Variants in CSMD2 observed in about 807,000 individuals in gnomAD.
CSMD2 encodes the protein CUB and Sushi multiple domains 2.
A neutral mutation model predicts 398.5 loss-of-function variants in CSMD2; 130 were observed. That is an observed-to-expected ratio of 0.33 (90% CI 0.28 to 0.38). The LOEUF (loss-of-function observed/expected upper bound fraction) is 0.38. Among genes scored for constraint, CSMD2 ranks in the 10% least tolerant of loss-of-function variants. CSMD2 has a pLI of 1.00. For missense variants in CSMD2, 3,829 were observed against 4,764.9 expected, an observed-to-expected ratio of 0.80 and a Z score of 5.78; for synonymous variants, 1,828 against 1,908.5, an observed-to-expected ratio of 0.96 and a Z score of 1.10.
chr1:33,943,925 TACACACAC>T (rs57400434), intron 3 of CSMD2, among the ~76,000 whole-genome samples: 8,439 of 144,334 alleles, frequency 0.058, 242 homozygotes, highest in African/African-American at 0.069. Flanking sequence ...TAATCAGAAT[TACACACAC>T]ACACACACAC....
intron 2 of CSMD2, among the ~76,000 whole-genome samples, chr1:34,034,177 G>A (rs1232907874): frequency 6.6e-6 from 1 of 152,096 alleles, no homozygotes; most frequent in Non-Finnish European, 1.5e-5. Context: ...GACACGCAGA[G>A]GACTCTCTTT....
In CSMD2 at chr1:33,626,593, A is replaced by G; in HGVS notation, c.5201-12T>C. The G allele has an allele frequency of 6.3e-7, 1 of 1,577,570 alleles. No individual in the cohort carries two copies. The highest frequency in any genetic ancestry group is 8.6e-7 in the Non-Finnish European group (1 of 1,160,250). On this transcript the variant is annotated splice_polypyrimidine_tract_variant and intron_variant, in intron 32 of 70. Transcript: ENST00000373381. ...GGGCAGTGATTCTCCTGCCGAGATA[A>G]GGGGCAAGGAGGAGAGAACAGTGAG...
At chr1:34,004,481 G>T (rs1461354091) in intron 3 of CSMD2, among the ~76,000 whole-genome samples, 2 of 151,866 alleles carry the variant, frequency 1.3e-5, no homozygotes, top group Non-Finnish European at 2.9e-5. Context: ...GTTTGTTTTT[G>T]TTTTTTGCCA....
chr1:33,939,306 G>A (rs774710234), intron 3 of CSMD2, among the ~76,000 whole-genome samples: 1 of 152,174 alleles, frequency 6.6e-6, no homozygotes, highest in Non-Finnish European at 1.5e-5. Flanking sequence ...ATGATGCCCT[G>A]CTGCTGGCTC....
chr1:33,701,595 T>A (rs1645614074), intron 22 of CSMD2, among the ~76,000 whole-genome samples: 1 of 152,246 alleles, frequency 6.6e-6, no homozygotes, highest in African/African-American at 2.4e-5. Context: ...TCCATTGTAC[T>A]ATTTATGAAG....
intron 13 of CSMD2, among the ~76,000 whole-genome samples, chr1:33,759,320 T>TTTTC (rs55664845): frequency 0.27 from 36,293 of 136,192 alleles, 6,005 homozygotes; most frequent in African/African-American, 0.41. Context: ...TTTTCTTTTT[T>TTTTC]TTTCTTTTTT....
At chr1:34,069,187 A>G (rs936314877) in intron 2 of CSMD2, among the ~76,000 whole-genome samples, 2 of 152,222 alleles carry the variant, frequency 1.3e-5, no homozygotes, top group African/African-American at 4.8e-5. Context: ...GGTGTCATCT[A>G]CTTTTAGGGA....
Position 33,660,931 on chromosome 1 carries a change from A to T in CSMD2, c.4255+1959T>A, listed in dbSNP as rs368587835. On this transcript the variant is annotated intron_variant, in intron 26 of 70. Transcript: ENST00000373381. ...TTCAAGACGAGACAGAATGCCTGGT[A>T]TTGAATAAATAGAAGTAAAGTGCCA... Among the ~76,000 whole-genome samples, 280 of 152,334 alleles carry T rather than the reference A, an allele frequency of 1.8e-3. 10 individuals carry two copies. The South Asian group carries it at 0.047, about 26-fold the overall frequency.
At chr1:33,594,814 T>C (rs978596060) in intron 44 of CSMD2, among the ~76,000 whole-genome samples, 1 of 152,242 alleles carries the variant, frequency 6.6e-6, no homozygotes, top group Non-Finnish European at 1.5e-5. Context: ...TTTGTTTCTT[T>C]TCAGTCTTGC....
At position 33,557,863 on chromosome 1, in the gene CSMD2, C is replaced by T. The variant is rs1027653465; in HGVS notation, c.8614G>A (p.Gly2872Ser). The change falls in exon 55 of 71, where the codon GGC becomes AGC. Residue 2872 changes from glycine (G) to serine (S), a missense_variant. Gly to Ser is a moderately conservative substitution (Grantham distance 56). Around this residue, in one of 5 missense-constraint regions of CSMD2, gnomAD observed 917 missense variants for 1,199.5 expected, o/e 0.76. Coordinates refer to ENST00000373381, the MANE Select transcript of CSMD2 (RefSeq NM_001281956.2). ...ENSVRQVHAS[G>S]PHRFSFGTTV... ...GTGCCGAAGCTGAACCTGTGCGGGC[C>T]GCTGGCGTGGACCTGACGAACACTA... The T allele has an allele frequency of 8.5e-6, 13 of 1,535,914 alleles. No individual in the cohort carries two copies. The highest frequency in any genetic ancestry group is 5.9e-5 in the Admixed American group (3 of 50,964).
At chr1:33,986,577 C>A (rs928712128) in intron 3 of CSMD2, among the ~76,000 whole-genome samples, 8 of 152,198 alleles carry the variant, frequency 5.3e-5, no homozygotes, top group Admixed American at 5.2e-4. Flanking sequence ...TGCTTCCCTG[C>A]CAGGCCATGA....
chr1:33,819,145 T>C (rs905348547), intron 9 of CSMD2, among the ~76,000 whole-genome samples: 5 of 150,156 alleles, frequency 3.3e-5, no homozygotes, highest in African/African-American at 1.0e-4. Flanking sequence ...TTAAGATTAT[T>C]TGGGGGGTAG....
intron 6 of CSMD2, among the ~76,000 whole-genome samples, chr1:33,841,267 G>A (rs1321624): frequency 0.77 from 117,336 of 152,128 alleles, 45,844 homozygotes; most frequent in East Asian, 0.94. Flanking sequence ...GTGTCTAAGG[G>A]AGAGCCAGAG....
At chr1:33,799,797 A>G (rs1655381389) in intron 10 of CSMD2, among the ~76,000 whole-genome samples, 1 of 152,244 alleles carries the variant, frequency 6.6e-6, no homozygotes, top group South Asian at 2.1e-4. Flanking sequence ...GGGAACCACC[A>G]AGCCAGCCCT....
At chr1:34,023,329 T>C (rs1649177522) in intron 3 of CSMD2, among the ~76,000 whole-genome samples, 2 of 152,220 alleles carry the variant, frequency 1.3e-5, no homozygotes, top group Admixed American at 1.3e-4. Flanking sequence ...TGCGAAAGTA[T>C]GCCCAGGCAG....
At chr1:33,599,145 C>T (rs1441760583) in intron 44 of CSMD2, 5 of 152,224 alleles carry the variant, frequency 3.3e-5, no homozygotes, top group Non-Finnish European at 5.9e-5. Flanking sequence ...ATAGCAAGGG[C>T]CTTGTGTCTC....
At chr1:33,876,981 T>C (rs923381846) in intron 5 of CSMD2, among the ~76,000 whole-genome samples, 1 of 152,198 alleles carries the variant, frequency 6.6e-6, no homozygotes, top group Non-Finnish European at 1.5e-5. Flanking sequence ...ATTGCCTTAT[T>C]AGTATTTCTA....
rs148216555 is a variant in CSMD2 at position 33,823,521 on chromosome 1, C to T, written c.1111+2176G>A. Reference sequence around the variant, plus strand: ...TAATCCTTACTCTACTCTGGGAGGGCCACTATGGCAAGGGAGAAGCCGCAA... The same window carrying T: ...TAATCCTTACTCTACTCTGGGAGGGTCACTATGGCAAGGGAGAAGCCGCAA... On this transcript the variant is annotated intron_variant, in intron 7 of 70. Transcript: ENST00000373381. Among the ~76,000 whole-genome samples, 718 of 152,234 alleles carry T rather than the reference C, an allele frequency of 4.7e-3. 8 individuals carry two copies. Among genetic ancestry groups the T allele is most frequent in the East Asian group, 0.031 (162 of 5,160 alleles).
At chr1:33,525,409 A>G (rs1307063411) in intron 65 of CSMD2, among the ~76,000 whole-genome samples, 1 of 152,240 alleles carries the variant, frequency 6.6e-6, no homozygotes, top group Non-Finnish European at 1.5e-5. Context: ...AGCAACATGT[A>G]TGAACTGGAG....
Sources: allele counts gnomAD v4.1 joint callset (sites outside exome capture counted in the v4.1 genomes callset), GRCh38; gene constraint gnomAD v4.1.1; regional missense constraint gnomAD v4.1.1; transcripts MANE v1.5; gene names NCBI Gene and HGNC (gene_info 2026-07-23, HGNC 2026-07-21).